Variants in RNF149 observed in about 807,000 individuals in gnomAD.
The protein encoded by RNF149 is ring finger protein 149, also known as E3 ubiquitin-protein ligase RNF149.
A neutral mutation model predicts 39.0 loss-of-function variants in RNF149; 21 were observed. The ratio of observed to expected loss-of-function variants is 0.54; its 90% CI spans 0.38 to 0.77. RNF149 has a LOEUF of 0.77. Among genes scored for constraint, RNF149 ranks in the 30% least tolerant of loss-of-function variants. The probability of loss-of-function intolerance (pLI) is 0.00; values close to 1 mark genes in which losing one functional copy is unlikely to be tolerated. For missense variants in RNF149, 493 were observed against 534.9 expected, an observed-to-expected ratio of 0.92 and a Z score of 0.77; for synonymous variants, 209 against 213.6, an observed-to-expected ratio of 0.98 and a Z score of 0.19.
In RNF149 at chr2:101,286,179, T is replaced by A; in HGVS notation, c.864-2A>T. 6.5e-7 allele frequency: 1 copy of A among 1,542,042 alleles called. No homozygotes were observed. Among genetic ancestry groups the A allele is most frequent in the Non-Finnish European group, 9.0e-7 (1 of 1,115,952 alleles). On this transcript the variant is annotated splice_acceptor_variant, in intron 4 of 6. Coordinates refer to ENST00000295317, the MANE Select transcript of RNF149 (RefSeq NM_173647.4). LOFTEE classifies it high-confidence loss of function. ...ATGCATATTCTATGAAAAATATGCC[T>A]AAAAAGATTAAGTATGTGTTAATGT... is the stretch of plus-strand genomic sequence containing the variant.
chr2:101,308,077 G>T (rs910249811), intron 1 of RNF149, 52 bp downstream of exon 1: 1 of 1,583,296 alleles, frequency 6.3e-7, no homozygotes, highest in Non-Finnish European at 8.6e-7. Flanking sequence ...GAAGACCCCA[G>T]CCTCGGCTGC....
At chr2:101,292,713 C>A (rs1246330153) in intron 3 of RNF149, among the ~76,000 whole-genome samples, 2 of 152,110 alleles carry the variant, frequency 1.3e-5, no homozygotes, top group Non-Finnish European at 2.9e-5. Context: ...TTGCAGTGAG[C>A]CGAGATTGCG....
rs1165972327 is a variant in RNF149, at chr2:101,308,640, T to G, written c.-52A>C. The G allele has an allele frequency of 7.0e-7, 1 of 1,424,436 alleles. No homozygotes were observed. Among genetic ancestry groups the G allele is most frequent in the East Asian group, 2.6e-5 (1 of 38,450 alleles). 88.2% of individuals were successfully genotyped at this position (1,424,436 alleles called of 1,614,324 possible). On this transcript the variant is annotated 5_prime_UTR_variant, in exon 1 of 7. Coordinates refer to ENST00000295317, the MANE Select transcript of RNF149 (RefSeq NM_173647.4). ...GAGTCAGGGTCACGCGCGAGTGCGG[T>G]GCAGTCGAAGAGCAGAGAGAAGCGG...
intron 1 of RNF149, among the ~76,000 whole-genome samples, chr2:101,301,909 G>A (rs1052819641): frequency 5.3e-5 from 8 of 152,120 alleles, no homozygotes; most frequent in African/African-American, 1.9e-4. Flanking sequence ...TTAAAGTAGT[G>A]GATTAGATTT....
At chr2:101,280,717 T>C (rs1426432716) in intron 6 of RNF149, among the ~76,000 whole-genome samples, 1 of 151,938 alleles carries the variant, frequency 6.6e-6, no homozygotes, top group Non-Finnish European at 1.5e-5. Context: ...AGGATCAATA[T>C]GAAAAAATTA....
chr2:101,289,266 G>T (rs1283845342), intron 3 of RNF149, among the ~76,000 whole-genome samples: 1 of 152,172 alleles, frequency 6.6e-6, no homozygotes, highest in Non-Finnish European at 1.5e-5. Flanking sequence ...TTGTTTGCCT[G>T]ATCAGATATG....
intron 6 of RNF149, among the ~76,000 whole-genome samples, chr2:101,277,976 C>T (rs753164341): frequency 1.3e-5 from 2 of 152,076 alleles, no homozygotes; most frequent in African/African-American, 2.4e-5. Flanking sequence ...AACATGTCAC[C>T]AGCCCCGGTT....
chr2:101,305,156 A>G (rs1454719606), intron 1 of RNF149, among the ~76,000 whole-genome samples: 1 of 152,108 alleles, frequency 6.6e-6, no homozygotes, highest in East Asian at 1.9e-4. Flanking sequence ...TCAATTTTAC[A>G]GGCAGGCCAC....
At chr2:101,300,366 C>T (rs1445639849) in intron 1 of RNF149, among the ~76,000 whole-genome samples, 1 of 152,018 alleles carries the variant, frequency 6.6e-6, no homozygotes, top group Non-Finnish European at 1.5e-5. Context: ...TTAACACCTA[C>T]AATCTCAAGG....
chr2:101,292,970 A>T lies in RNF149; in HGVS notation c.780+1044T>A, dbSNP rs78896367. Among the ~76,000 whole-genome samples the T allele has an allele frequency of 2.2e-5, 3 of 134,042 alleles. No individual in the cohort carries two copies. In the East Asian group the frequency reaches 7.3e-4, roughly 33 times the overall value. 87.9% of individuals were successfully genotyped at this position (134,042 alleles called of 152,430 possible). A position where few individuals can be genotyped will look rare whatever the true frequency, so the allele number is the denominator to read the frequency against. ...CACTAATCTTAAGCCATGAGATGTG[A>T]TCTTTTTTTTTTTTTTTTTTTACTT... On this transcript the variant is annotated intron_variant, in intron 3 of 6. Coordinates refer to ENST00000295317, the MANE Select transcript of RNF149 (RefSeq NM_173647.4).
At chr2:101,286,930 C>G (rs1014604715) in intron 4 of RNF149, among the ~76,000 whole-genome samples, 1 of 152,262 alleles carries the variant, frequency 6.6e-6, no homozygotes, top group Non-Finnish European at 1.5e-5. Context: ...GTGCATACAA[C>G]TGTGCCAGGC....
intron 3 of RNF149, among the ~76,000 whole-genome samples, chr2:101,293,024 A>G (rs1326656286): frequency 6.6e-6 from 1 of 151,272 alleles, no homozygotes; most frequent in Non-Finnish European, 1.5e-5. Context: ...GTATGGAAAG[A>G]AAATAATACC....
chr2:101,297,841 A>T (rs1296457635), intron 1 of RNF149, among the ~76,000 whole-genome samples: 2 of 152,206 alleles, frequency 1.3e-5, no homozygotes, highest in Non-Finnish European at 2.9e-5. Flanking sequence ...GTCCACTGGC[A>T]GTCACTCTCT....
rs370712125 is a variant in RNF149, at chr2:101,307,706, A to C, written c.460+423T>G. The C allele has an allele frequency of 2.1e-5, 9 of 419,692 alleles. No homozygotes were observed. In the South Asian group the frequency reaches 7.0e-4, roughly 33 times the overall value. The allele number at this position is 419,692 out of a possible 1,614,324, so 26.0% of individuals were successfully genotyped here. On this transcript the variant is annotated intron_variant, in intron 1 of 6. Coordinates refer to ENST00000295317, the MANE Select transcript of RNF149 (RefSeq NM_173647.4). ...GAAACCAGAGTGCCAACGAGCCATC[A>C]CTTTATGTTGGTGAAGGGACAACCG...
At chr2:101,286,835 T>A (rs1451970882) in intron 4 of RNF149, among the ~76,000 whole-genome samples, 1 of 152,236 alleles carries the variant, frequency 6.6e-6, no homozygotes, top group African/African-American at 2.4e-5. Flanking sequence ...TGGACTCAGA[T>A]ACGAGCTCTG....
chr2:101,288,059 G>A (rs1323679573), intron 4 of RNF149, among the ~76,000 whole-genome samples: 1 of 151,298 alleles, frequency 6.6e-6, no homozygotes, highest in African/African-American at 2.4e-5. Flanking sequence ...GTGCAGTGGC[G>A]TGATCTCAGC....
Position 101,277,068 on chromosome 2 carries a change from T to C in RNF149, c.*170A>G. On this transcript the variant is annotated 3_prime_UTR_variant, in exon 7 of 7. Coordinates refer to ENST00000295317, the MANE Select transcript of RNF149 (RefSeq NM_173647.4). ...AAATATATGAGGACTAATCGAAAAG[T>C]CTCTTCAAGAAGAAAATATCTTAGT... 7.2e-7 allele frequency: 1 copy of C among 1,382,608 alleles called. No homozygotes were observed. Among genetic ancestry groups the C allele is most frequent in the East Asian group, 2.8e-5 (1 of 35,428 alleles). 85.6% of individuals were successfully genotyped at this position (1,382,608 alleles called of 1,614,324 possible).
At position 101,308,687 on chromosome 2, in the gene RNF149, G is replaced by C. The variant is rs772258014; in HGVS notation, c.-99C>G. Reference sequence around the variant, plus strand: ...GCGGACACCCACCGCCGCCCTGGAAGACTGAGGCGGGGTCGGGGCCGCTGC... The same window carrying C: ...GCGGACACCCACCGCCGCCCTGGAACACTGAGGCGGGGTCGGGGCCGCTGC... On this transcript the variant is annotated 5_prime_UTR_variant, in exon 1 of 7. Coordinates refer to ENST00000295317, the MANE Select transcript of RNF149 (RefSeq NM_173647.4). 1.7e-4 allele frequency: 198 copies of C among 1,149,148 alleles called. No individual in the cohort carries two copies. Among genetic ancestry groups the C allele is most frequent in the Non-Finnish European group, 2.2e-4 (189 of 856,436 alleles). 71.2% of individuals were successfully genotyped at this position (1,149,148 alleles called of 1,614,324 possible).
chr2:101,276,309 C>G lies in RNF149; in HGVS notation c.*929G>C, dbSNP rs1252329079. Reference sequence around the variant, plus strand: ...AGCCTGCTCCTTTGACCCAAAAGAACAGCAAGCAAGTAAAAAAGAAGAAAC... The same window carrying G: ...AGCCTGCTCCTTTGACCCAAAAGAAGAGCAAGCAAGTAAAAAAGAAGAAAC... On this transcript the variant is annotated 3_prime_UTR_variant, in exon 7 of 7. Coordinates refer to ENST00000295317, the MANE Select transcript of RNF149 (RefSeq NM_173647.4). 16 of 985,578 alleles carry G rather than the reference C, an allele frequency of 1.6e-5. No individual in the cohort carries two copies. The highest frequency in any genetic ancestry group is 1.8e-5 in the Non-Finnish European group (15 of 829,904). 61.1% of individuals were successfully genotyped at this position (985,578 alleles called of 1,614,324 possible). A position where few individuals can be genotyped will look rare whatever the true frequency, so the allele number is the denominator to read the frequency against.
Sources: allele counts gnomAD v4.1 joint callset (sites outside exome capture counted in the v4.1 genomes callset), GRCh38; gene constraint gnomAD v4.1.1; transcripts MANE v1.5; gene names NCBI Gene and HGNC (gene_info 2026-07-23, HGNC 2026-07-21).